The following ARMC2 variants were observed in gnomAD, a reference collection of about 807,000 sequenced individuals.
ARMC2 encodes armadillo repeat containing 2.
Under a neutral mutation model 90.3 loss-of-function variants are expected in ARMC2, and 67 were observed. The ratio of observed to expected loss-of-function variants is 0.74; its 90% CI spans 0.61 to 0.91. The LOEUF (loss-of-function observed/expected upper bound fraction) is 0.91. Among genes scored for constraint, ARMC2 ranks in the 40% least tolerant of loss-of-function variants. The pLI, the probability that ARMC2 is intolerant of heterozygous loss-of-function variation, is 0.00. For missense variants in ARMC2, 920 were observed against 1,030.9 expected (o/e 0.89, Z 1.47); for synonymous variants, 393 against 393.0 (o/e 1.00, Z 0.00).
chr6:108,860,974 A>T (rs573573886), intron 3 of ARMC2, among the ~76,000 whole-genome samples: 1 of 152,332 alleles, frequency 6.6e-6, no homozygotes, highest in Admixed American at 6.5e-5. Context: ...TCTGACCTCA[A>T]CAATAAGGGT....
At chr6:109,001,273 T>C in the ARMC2 span, 2 of 1,606,820 alleles carry the variant, frequency 1.2e-6, no homozygotes, top group Admixed American at 1.7e-5. Context: ...AATTTTTCAC[T>C]GAATGTTTAC....
intron 11 of ARMC2, among the ~76,000 whole-genome samples, chr6:108,936,461 G>A (rs1256812043): frequency 6.6e-6 from 1 of 151,986 alleles, no homozygotes; most frequent in Non-Finnish European, 1.5e-5. Flanking sequence ...TCACTATGTT[G>A]GCCAGGCTCG....
the ARMC2 span, among the ~76,000 whole-genome samples, chr6:109,049,317 C>CA: frequency 4.7e-3 from 645 of 137,026 alleles, 2 homozygotes; most frequent in Non-Finnish European, 6.1e-3. Flanking sequence ...ATGTGAAAGC[C>CA]AAAAAAAAAA....
the ARMC2 span, among the ~76,000 whole-genome samples, chr6:109,030,646 G>T: frequency 6.6e-6 from 1 of 152,174 alleles, no homozygotes; most frequent in East Asian, 1.9e-4. Flanking sequence ...GAATCTTCAA[G>T]ATTCTAAGGT....
At chr6:108,886,759 C>T (rs1246348888) in intron 5 of ARMC2, among the ~76,000 whole-genome samples, 11 of 151,928 alleles carry the variant, frequency 7.2e-5, no homozygotes, top group Non-Finnish European at 1.3e-4. Context: ...CCACTTGGCC[C>T]ACAAAGTGTG....
At chr6:108,962,748 T>C (rs1402922673) in intron 15 of ARMC2, among the ~76,000 whole-genome samples, 2 of 152,220 alleles carry the variant, frequency 1.3e-5, no homozygotes, top group Non-Finnish European at 2.9e-5. Flanking sequence ...TTCAAGCCTG[T>C]AATACCAGCA....
intron 4 of ARMC2, among the ~76,000 whole-genome samples, chr6:108,874,434 A>G (rs568957793): frequency 6.6e-6 from 1 of 152,370 alleles, no homozygotes; most frequent in South Asian, 2.1e-4. Flanking sequence ...AGATAACGGT[A>G]GGCTAAAAAT....
At chr6:109,009,600 C>A in the ARMC2 span, 1 of 1,042,958 alleles carries the variant, frequency 9.6e-7, no homozygotes, top group Non-Finnish European at 1.2e-6. Flanking sequence ...CGGCCCCGCC[C>A]CGCGCCCGTC....
intron 13 of ARMC2, among the ~76,000 whole-genome samples, chr6:108,955,842 C>T (rs1313191396): frequency 6.6e-6 from 1 of 152,228 alleles, no homozygotes; most frequent in Non-Finnish European, 1.5e-5. Flanking sequence ...GATCCACTCA[C>T]CACACTGAGC....
the ARMC2 span, among the ~76,000 whole-genome samples, chr6:109,025,342 A>G: frequency 6.6e-6 from 1 of 152,002 alleles, no homozygotes; most frequent in Non-Finnish European, 1.5e-5. Context: ...TTTAGTATAA[A>G]GTGGGCTGGT....
chr6:108,932,763 C>G (rs527872596), intron 11 of ARMC2, among the ~76,000 whole-genome samples: 7 of 151,736 alleles, frequency 4.6e-5, no homozygotes, highest in Non-Finnish European at 1.0e-4. Context: ...CTCCTGACCT[C>G]GTGATCTGCC....
chr6:108,981,960 G>A, the ARMC2 span, among the ~76,000 whole-genome samples: 1 of 152,036 alleles, frequency 6.6e-6, no homozygotes, highest in South Asian at 2.1e-4. Flanking sequence ...AGCCACCTGT[G>A]CCCTGCTGAT....
At chr6:108,885,211 A>T (rs2768535) in intron 5 of ARMC2, among the ~76,000 whole-genome samples, 1 of 151,874 alleles carries the variant, frequency 6.6e-6, no homozygotes, top group African/African-American at 2.4e-5. Context: ...AGTGATTATT[A>T]AAAAAGGTGC....
chr6:108,952,921 C>A, intron 12 of ARMC2, 112 bp from the exon 13 acceptor site: 1 of 1,038,922 alleles, frequency 9.6e-7, no homozygotes, highest in Non-Finnish European at 1.4e-6. Flanking sequence ...CGAAGCCAGA[C>A]GTGTTCCATT....
Position 108,936,924 on chromosome 6 carries a change from C to T in ARMC2, c.1521C>T (p.Cys507=). The T allele has an allele frequency of 6.2e-7, 1 of 1,602,398 alleles. No individual in the cohort carries two copies. Among genetic ancestry groups the T allele is most frequent in the Admixed American group, 1.7e-5 (1 of 58,484 alleles). Residue 507 remains cysteine (C), a synonymous_variant, in exon 12 of 18, where the codon TGC becomes TGT. Coordinates refer to ENST00000392644, the MANE Select transcript of ARMC2 (RefSeq NM_032131.6). ...GCAAACTTACTTCTTACCGTGACTG[C>T]TGCACAGCCTTGGCCAGCTATTCCA... ...IFSKLTSYRD[C]CTALASYSRC... is the part of the protein sequence containing the mutation.
intron 8 of ARMC2, among the ~76,000 whole-genome samples, chr6:108,906,654 A>T (rs1290309069): frequency 3.3e-5 from 5 of 152,012 alleles, no homozygotes; most frequent in African/African-American, 9.7e-5. Flanking sequence ...GCTAATTTTT[A>T]AAAAATGTTT....
rs371614341 is a variant in ARMC2 at position 108,953,223 on chromosome 6, C to T, written c.1787C>T (p.Pro596Leu). 62 of 1,613,968 alleles carry T rather than the reference C, an allele frequency of 3.8e-5. No individual in the cohort carries two copies. Among genetic ancestry groups the T allele is most frequent in the South Asian group, 5.5e-5 (5 of 91,088 alleles). Reference sequence around the variant, plus strand: ...GGCGAGCAGCACAGGGCGCAGAGGCCGCCGTCAGAGGCAGAGGACGTGCTC... The same window carrying T: ...GGCGAGCAGCACAGGGCGCAGAGGCTGCCGTCAGAGGCAGAGGACGTGCTC... Reference protein sequence around the residue: ...QRGEQHRAQRPPSEAEDVLIK... With the variant: ...QRGEQHRAQRLPSEAEDVLIK... Residue 596 changes from proline to leucine, a missense_variant, in exon 13 of 18, where the codon CCG (proline) becomes CTG (leucine). Physicochemically the swap from Pro to Leu is moderately conservative, Grantham distance 98 (BLOSUM62 -3). Transcript: ENST00000392644.
At chr6:108,909,148 CAG>C (rs1422919429) in intron 8 of ARMC2, among the ~76,000 whole-genome samples, 1 of 152,112 alleles carries the variant, frequency 6.6e-6, no homozygotes, top group African/African-American at 2.4e-5. Context: ...CCTTTTCAAA[CAG>C]AAATAATTTT....
intron 4 of ARMC2, among the ~76,000 whole-genome samples, chr6:108,872,258 G>A (rs1163358138): frequency 1.3e-5 from 2 of 152,188 alleles, no homozygotes; most frequent in African/African-American, 4.8e-5. Context: ...ATCTCCAAAA[G>A]GCCAGCAGTA....
Sources: allele counts gnomAD v4.1 joint callset (sites outside exome capture counted in the v4.1 genomes callset), GRCh38; gene constraint gnomAD v4.1.1; transcripts MANE v1.5; gene names NCBI Gene and HGNC (gene_info 2026-07-23, HGNC 2026-07-21).